The following HEY1 variants were observed in gnomAD, a reference collection of about 807,000 sequenced individuals.
HEY1 encodes the protein hes related family bHLH transcription factor with YRPW motif 1.
Under a neutral mutation model 28.7 loss-of-function variants are expected in HEY1, and 9 were observed. The ratio of observed to expected loss-of-function variants is 0.31; its 90% CI spans 0.19 to 0.55. The LOEUF (loss-of-function observed/expected upper bound fraction) is 0.55. HEY1 is among the 20% of genes least tolerant of loss of function. The pLI is 0.93. For missense variants in HEY1, 385 were observed against 399.4 expected, an observed-to-expected ratio of 0.96 and a Z score of 0.31; for synonymous variants, 213 against 175.6, an observed-to-expected ratio of 1.21 and a Z score of -1.68.
chr8:79,765,173 T>C lies in HEY1; in HGVS notation c.*15A>G, dbSNP rs1807796570. ...GGATTTTAAACTTTCCCCTCCCTCA[T>C]TCTACATCAGTTCTTTAAAAAGCTC... On this transcript the variant is annotated 3_prime_UTR_variant, in exon 5 of 5. Transcript: ENST00000354724. 3 of 1,524,894 alleles carry C rather than the reference T, an allele frequency of 2.0e-6. No individual in the cohort carries two copies. The Admixed American group carries it at 6.2e-5, about 32-fold the overall frequency. The allele number at this position is 1,524,894 out of a possible 1,614,324, so 94.5% of individuals were successfully genotyped here.
intron 4 of HEY1, chr8:79,766,354 A>G: frequency 6.7e-7 from 1 of 1,482,894 alleles, no homozygotes; most frequent in East Asian, 2.5e-5. Flanking sequence ...CAATGGACAA[A>G]TGTGAAAGCT....
chr8:79,766,784 C>T, intron 3 of HEY1, 52 bp from the exon 4 acceptor site: 1 of 1,566,292 alleles, frequency 6.4e-7, no homozygotes, highest in African/African-American at 1.3e-5. Context: ...CTTTGGGGAA[C>T]AATTTAAAAT....
chr8:79,767,121 G>C, intron 2 of HEY1, 29 bp from the exon 3 acceptor site: 8 of 1,593,378 alleles, frequency 5.0e-6, no homozygotes, highest in Non-Finnish European at 6.9e-6. Context: ...ACAAAGGAAG[G>C]CATTACCATT....
chr8:79,766,600 G>A, intron 4 of HEY1, 51 bp downstream of exon 4: 1 of 1,610,404 alleles, frequency 6.2e-7, no homozygotes, highest in Non-Finnish European at 8.5e-7. Context: ...TTCAGCCGCT[G>A]CTCACTCTTT....
In HEY1 at chr8:79,767,590, C is replaced by T. The variant is rs1373482788; in HGVS notation, c.74G>A (p.Ser25Asn). Residue 25 changes from serine to asparagine, a missense_variant, in exon 1 of 5, where the codon AGT becomes AAT. By Grantham distance (46) the Ser-to-Asn change is conservative. Around this residue, in one of 3 missense-constraint regions of HEY1, gnomAD observed 79 missense variants for 60.7 expected, o/e 1.30. Coordinates refer to ENST00000354724, the MANE Select transcript of HEY1 (RefSeq NM_012258.4). ...GCCAGCTCACCCATTCTCGTCCGCA[C>T]TCTCCTTCTCCACCTCGATGGTCTC... is the stretch of plus-strand genomic sequence containing the variant. ...LDETIEVEKE[S>N]ADENGNLSSA... is the part of the protein sequence containing the mutation. 1 of 1,609,922 alleles carries T rather than the reference C, an allele frequency of 6.2e-7. No homozygotes were observed. Among genetic ancestry groups the T allele is most frequent in the Admixed American group, 1.7e-5 (1 of 59,856 alleles).
In HEY1 at chr8:79,764,300, C is replaced by A. The variant is rs1807774573; in HGVS notation, c.*888G>T. ...TAGGTTATGCATTTAACAGTTTCCA[C>A]TGTACTACTCAATTGACCACTCGCA... On this transcript the variant is annotated 3_prime_UTR_variant, in exon 5 of 5. Transcript: ENST00000354724. 8.9e-6 allele frequency: 2 copies of A among 225,862 alleles called. No individual in the cohort carries two copies. The highest frequency in any genetic ancestry group is 1.8e-4 in the South Asian group (1 of 5,474). 14.0% of individuals were successfully genotyped at this position (225,862 alleles called of 1,614,324 possible).
rs1444929607 is a variant in HEY1, at chr8:79,765,563, C to A, written c.540G>T (p.Trp180Cys). ...GAHAGLGHIP[W>C]GTVFGHHPHI... is the part of the protein sequence containing the mutation. Reference sequence around the variant, plus strand: ...GCGGGTGATGTCCGAAGACGGTCCCCCAGGGAATGTGTCCGAGGCCCGCGT... The same window carrying A: ...GCGGGTGATGTCCGAAGACGGTCCCACAGGGAATGTGTCCGAGGCCCGCGT... The change falls in exon 5 of 5, where the codon TGG (tryptophan) becomes TGT (cysteine). Residue 180 changes from tryptophan (W) to cysteine (C), a missense_variant. Transcript: ENST00000354724. The A allele has an allele frequency of 3.1e-6, 5 of 1,614,126 alleles. No individual in the cohort carries two copies. The highest frequency in any genetic ancestry group is 1.3e-5 in the African/African-American group (1 of 75,062).
rs1022971234 is a variant in HEY1, at chr8:79,764,913, T to C, written c.*275A>G. Reference sequence around the variant, plus strand: ...AAGTAAATTAGGCACAGTACAAACCTATCACAAAGTGTTGGCTTATACTCA... The same window carrying C: ...AAGTAAATTAGGCACAGTACAAACCCATCACAAAGTGTTGGCTTATACTCA... On this transcript the variant is annotated 3_prime_UTR_variant, in exon 5 of 5. Transcript: ENST00000354724. 9 of 329,696 alleles carry C rather than the reference T, an allele frequency of 2.7e-5. No homozygotes were observed. In the South Asian group the frequency reaches 5.9e-4, roughly 22 times the overall value. The allele number at this position is 329,696 out of a possible 1,614,324, so 20.4% of individuals were successfully genotyped here. A position where few individuals can be genotyped will look rare whatever the true frequency, so the allele number is the denominator to read the frequency against.
At position 79,766,427 on chromosome 8, in the gene HEY1, A is replaced by G. The variant is rs147108283; in HGVS notation, c.331+224T>C. On this transcript the variant is annotated intron_variant, in intron 4 of 4. Transcript: ENST00000354724. ...CCTCACAAATAATAGGTATTTTTCC[A>G]AAAGATGCACTAGCTCAATCCGCAG... 249 of 1,458,152 alleles carry G rather than the reference A, an allele frequency of 1.7e-4. 1 individual carries two copies. The East Asian group carries it at 6.0e-3, about 35-fold the overall frequency. 90.3% of individuals were successfully genotyped at this position (1,458,152 alleles called of 1,614,324 possible).
At position 79,767,237 on chromosome 8, in the gene HEY1, G is replaced by C. The variant is rs937207190; in HGVS notation, c.147C>G (p.Ala49=). The C allele has an allele frequency of 3.7e-6, 6 of 1,613,346 alleles. No individual in the cohort carries two copies. The Admixed American group carries it at 8.3e-5, about 22-fold the overall frequency. The change falls in exon 2 of 5, where the codon GCC becomes GCG. Residue 49 remains alanine (A), a synonymous_variant. Coordinates refer to ENST00000354724, the MANE Select transcript of HEY1 (RefSeq NM_012258.4). ...GACTCACTCCTCTCCGTCTTTTTCT[G>C]GCCAAAATCTGGGAAGATGTAGTTG... ...MSPTTSSQIL[A]RKRRRGIIEK...
At chr8:79,765,855 G>A (rs1288609211) in intron 4 of HEY1, 84 bp from the exon 5 acceptor site, 2 of 1,179,436 alleles carry the variant, frequency 1.7e-6, no homozygotes, top group Admixed American at 2.5e-5. Flanking sequence ...CTTCCTGGCA[G>A]ATACCTGCAT....
chr8:79,766,448 C>A, intron 4 of HEY1: 1 of 1,482,746 alleles, frequency 6.7e-7, no homozygotes, highest in East Asian at 2.3e-5. Flanking sequence ...TAGCTCAATC[C>A]GCAGAGAGCT....
In HEY1 at chr8:79,765,631, G is replaced by A; in HGVS notation, c.472C>T (p.Leu158Phe). 2 of 1,614,230 alleles carry A rather than the reference G, an allele frequency of 1.2e-6. No homozygotes were observed. The highest frequency in any genetic ancestry group is 1.7e-6 in the Non-Finnish European group (2 of 1,180,030). Reference sequence around the variant, plus strand: ...TCCCGCTGGGAAGCGTAGTTGTTGAGATGCGAAACCAGTCGAACTCGAAGC... The same window carrying A: ...TCCCGCTGGGAAGCGTAGTTGTTGAAATGCGAAACCAGTCGAACTCGAAGC... ...DPLRVRLVSH[L>F]NNYASQREAA... Residue 158 changes from leucine to phenylalanine, a missense_variant, in exon 5 of 5, where the codon CTC (leucine) becomes TTC (phenylalanine). Physicochemically the swap from Leu to Phe is conservative, Grantham distance 22. This residue lies in a region of HEY1 where 223 missense variants were observed against 215.9 expected (regional missense o/e 1.03). Transcript: ENST00000354724.
In HEY1 at chr8:79,764,023, CT is replaced by C. The variant is rs3833691; in HGVS notation, c.*1164del. 37,650 of 180,144 alleles carry C rather than the reference CT, an allele frequency of 0.21. 4,221 individuals carry two copies. Among genetic ancestry groups the C allele is most frequent in the South Asian group, 0.37 (1,885 of 5,052 alleles). 11.2% of individuals were successfully genotyped at this position (180,144 alleles called of 1,614,324 possible). A position where few individuals can be genotyped will look rare whatever the true frequency, so the allele number is the denominator to read the frequency against. ...TACACCACAGAATACTTTGTTCTTT[CT>C]TTTTTATTTAGTCACAACACATCAG... On this transcript the variant is annotated 3_prime_UTR_variant, in exon 5 of 5. Coordinates refer to ENST00000354724, the MANE Select transcript of HEY1 (RefSeq NM_012258.4).
intron 1 of HEY1, 74 bp from the exon 2 acceptor site, chr8:79,767,368 C>G (rs1807871958): frequency 7.5e-7 from 1 of 1,337,978 alleles, no homozygotes; most frequent in Non-Finnish European, 1.1e-6. Context: ...GAGGTCGCCC[C>G]CACACCCTCC....
rs1427340447 is a variant in HEY1, at chr8:79,764,344, A to G, written c.*844T>C. 2.2e-5 allele frequency: 5 copies of G among 226,588 alleles called. No homozygotes were observed. Among genetic ancestry groups the G allele is most frequent in the South Asian group, 3.7e-4 (2 of 5,468 alleles). 14.0% of individuals were successfully genotyped at this position (226,588 alleles called of 1,614,324 possible). ...ACTCGCACACCATGATCACTTATCC[A>G]TGTTAACATTTGTGAATTTGAGATC... On this transcript the variant is annotated 3_prime_UTR_variant, in exon 5 of 5. Coordinates refer to ENST00000354724, the MANE Select transcript of HEY1 (RefSeq NM_012258.4).
In HEY1 at chr8:79,767,245, T is replaced by C; in HGVS notation, c.139A>G (p.Ile47Val). 6.2e-7 allele frequency: 1 copy of C among 1,613,896 alleles called. No homozygotes were observed. The highest frequency in any genetic ancestry group is 8.5e-7 in the Non-Finnish European group (1 of 1,179,890). The change falls in exon 2 of 5, where the codon ATT becomes GTT. Residue 47 changes from isoleucine to valine, a missense_variant. Ile to Val is a conservative substitution (Grantham distance 29). Transcript: ENST00000354724. Reference sequence around the variant, plus strand: ...CCTCTCCGTCTTTTTCTGGCCAAAATCTGGGAAGATGTAGTTGGGGACATG... The same window carrying C: ...CCTCTCCGTCTTTTTCTGGCCAAAACCTGGGAAGATGTAGTTGGGGACATG... ...GSMSPTTSSQ[I>V]LARKRRRGII...
chr8:79,766,979 G>A, intron 3 of HEY1, 30 bp downstream of exon 3: 1 of 1,567,970 alleles, frequency 6.4e-7, no homozygotes, highest in South Asian at 1.1e-5. Context: ...AGATAGCTAT[G>A]CTGAGAGCTT....
chr8:79,764,677 A>G lies in HEY1; in HGVS notation c.*511T>C, dbSNP rs1807782981. 1 of 222,616 alleles carries G rather than the reference A, an allele frequency of 4.5e-6. No homozygotes were observed. The highest frequency in any genetic ancestry group is 5.7e-5 in the Admixed American group (1 of 17,414). The allele number at this position is 222,616 out of a possible 1,614,324, so 13.8% of individuals were successfully genotyped here. Reference sequence around the variant, plus strand: ...TGCTCAGAAATATAAAATTCAATATAGTTCCCCTCCCCCCAAAAGAATATT... The same window carrying G: ...TGCTCAGAAATATAAAATTCAATATGGTTCCCCTCCCCCCAAAAGAATATT... On this transcript the variant is annotated 3_prime_UTR_variant, in exon 5 of 5. Transcript: ENST00000354724.
Sources: gnomAD v4.1 joint callset for allele counts on GRCh38, gnomAD v4.1.1 for gene constraint, gnomAD v4.1.1 regional missense constraint, MANE v1.5 for transcripts, NCBI Gene and HGNC (gene_info 2026-07-23, HGNC 2026-07-21) for gene names.